Variants in SH3BP4 observed in about 807,000 individuals in gnomAD.
SH3BP4 encodes SH3 domain binding protein 4, also known as SH3 domain-binding protein 4.
SH3BP4 carries 33 observed loss-of-function variants against 65.5 expected under a neutral mutation model. That is an observed-to-expected ratio of 0.50 (90% CI 0.38 to 0.67). SH3BP4 has a LOEUF of 0.67. SH3BP4 is among the 30% of genes least tolerant of loss of function. The pLI is 0.00. For missense variants in SH3BP4, 1,134 were observed against 1,261.4 expected (o/e 0.90, Z 1.53); for synonymous variants, 552 against 545.5 (o/e 1.01, Z -0.17).
chr2:234,988,181 T>G (rs1693629850), intron 1 of SH3BP4, among the ~76,000 whole-genome samples: 1 of 152,156 alleles, frequency 6.6e-6, no homozygotes, highest in Non-Finnish European at 1.5e-5. Context: ...TGCCTCAGCC[T>G]CCCAAGTAGC....
intron 1 of SH3BP4, among the ~76,000 whole-genome samples, chr2:234,954,424 A>C (rs1692543111): frequency 6.6e-6 from 1 of 152,126 alleles, no homozygotes. Flanking sequence ...CGTGGATCTG[A>C]TCAGGGTCTG....
rs556077741 is a variant in SH3BP4 at position 235,055,031 on chromosome 2, C to A, written c.*1215C>A. The A allele has an allele frequency of 6.6e-6, 1 of 152,338 alleles. No homozygotes were observed. Among genetic ancestry groups the A allele is most frequent in the African/African-American group, 2.4e-5 (1 of 41,570 alleles). 9.4% of individuals were successfully genotyped at this position (152,338 alleles called of 1,614,324 possible). A position where few individuals can be genotyped will look rare whatever the true frequency, so the allele number is the denominator to read the frequency against. Reference sequence around the variant, plus strand: ...TTTGTAAAAATGAAAATGTGACTCACATAAAATCAGGAACTTGACACAGTG... The same window carrying A: ...TTTGTAAAAATGAAAATGTGACTCAAATAAAATCAGGAACTTGACACAGTG... On this transcript the variant is annotated 3_prime_UTR_variant, in exon 6 of 6. Transcript: ENST00000392011.
At chr2:234,979,174 C>T (rs923034907) in intron 1 of SH3BP4, among the ~76,000 whole-genome samples, 3 of 152,182 alleles carry the variant, frequency 2.0e-5, no homozygotes, top group African/African-American at 7.2e-5. Context: ...AATGTTTACA[C>T]AATCACAAAA....
At chr2:234,962,338 G>A (rs1361988181) in intron 1 of SH3BP4, among the ~76,000 whole-genome samples, 4 of 151,860 alleles carry the variant, frequency 2.6e-5, no homozygotes, top group Non-Finnish European at 4.4e-5. Flanking sequence ...GGGTTTCACT[G>A]TGTTGGCCAG....
intron 1 of SH3BP4, among the ~76,000 whole-genome samples, chr2:234,963,785 T>C (rs1196911959): frequency 6.6e-6 from 1 of 152,148 alleles, no homozygotes; most frequent in East Asian, 1.9e-4. Context: ...TCGTCATGGG[T>C]GTCCAGAGTG....
chr2:235,007,983 G>T (rs933769496), intron 2 of SH3BP4, among the ~76,000 whole-genome samples: 2 of 152,190 alleles, frequency 1.3e-5, no homozygotes, highest in Non-Finnish European at 2.9e-5. Context: ...CCAGCCGTTG[G>T]GGGTGGAGGA....
At position 234,974,436 on chromosome 2, in the gene SH3BP4, A is replaced by G. The variant is rs981149899; in HGVS notation, c.-206-20867A>G. ...GAGTTCCAGCCCATTTCACTGCTCC[A>G]TAAAATGCTACGTTGGTGAAATGGG... On this transcript the variant is annotated intron_variant, in intron 1 of 5. Coordinates refer to ENST00000392011, the MANE Select transcript of SH3BP4 (RefSeq NM_014521.3). This position sits in a 1 kb window ranked among gnomAD's most constrained non-coding sequence, Gnocchi z 4.6. 5.9e-5 allele frequency among the ~76,000 whole-genome samples: 9 copies of G among 152,208 alleles called. No individual in the cohort carries two copies. The highest frequency in any genetic ancestry group is 2.2e-4 in the African/African-American group (9 of 41,464).
intron 3 of SH3BP4, among the ~76,000 whole-genome samples, chr2:235,036,740 A>AAATAATAATAATAATAAG (rs1695396741): frequency 1.4e-5 from 2 of 141,740 alleles, no homozygotes; most frequent in South Asian, 2.3e-4. Flanking sequence ...TCTATATAAA[A>AAATAATAATAATAATAAG]AATAATAATA....
chr2:234,978,878 TG>T lies in SH3BP4; in HGVS notation c.-206-16423del. 1 of 152,266 alleles carries T rather than the reference TG, an allele frequency of 6.6e-6. No homozygotes were observed. The highest frequency in any genetic ancestry group is 2.1e-4 in the South Asian group (1 of 4,820). 9.4% of individuals were successfully genotyped at this position (152,266 alleles called of 1,614,324 possible). A position where few individuals can be genotyped will look rare whatever the true frequency, so the allele number is the denominator to read the frequency against. ...TGCGTGGAGGAACATGCTGAACCTCTGGAGGAACGGCTCTACCTCCAGGTCA... is the reference window on the plus strand; with the variant it reads ...TGCGTGGAGGAACATGCTGAACCTCTGAGGAACGGCTCTACCTCCAGGTCA... On this transcript the variant is annotated intron_variant, in intron 1 of 5. Transcript: ENST00000392011. This position sits in a 1 kb window ranked among gnomAD's most constrained non-coding sequence, Gnocchi z 4.1.
At chr2:235,038,336 ATAG>A (rs1393691344) in intron 3 of SH3BP4, among the ~76,000 whole-genome samples, 2 of 2,406 alleles carry the variant, frequency 8.3e-4, no homozygotes, top group African/African-American at 2.6e-3. Context: ...TATATTATAT[ATAG>A]TATATATATT....
chr2:234,994,961 G>A (rs1243494376), intron 1 of SH3BP4: 1 of 152,330 alleles, frequency 6.6e-6, no homozygotes, highest in Non-Finnish European at 1.5e-5. Context: ...CAGGAGTAGG[G>A]TGAGGGGCAG....
chr2:235,001,012 T>C (rs555193914), intron 2 of SH3BP4, among the ~76,000 whole-genome samples: 63 of 152,364 alleles, frequency 4.1e-4, no homozygotes, highest in African/African-American at 1.4e-3. Context: ...TGCCCATAAA[T>C]CCCGTTTACA....
At chr2:234,963,090 G>A (rs184011952) in intron 1 of SH3BP4, among the ~76,000 whole-genome samples, 204 of 152,168 alleles carry the variant, frequency 1.3e-3, no homozygotes, top group African/African-American at 4.7e-3. Context: ...TAAAATTGTT[G>A]ACATATTTTC....
At chr2:235,053,471 G>A (rs1023240083) in intron 5 of SH3BP4, 121 bp from the exon 6 acceptor site, 3 of 721,220 alleles carry the variant, frequency 4.2e-6, no homozygotes, top group Non-Finnish European at 7.1e-6. Flanking sequence ...TCTCACTCGT[G>A]AAAGAGTGTC....
rs777513309 is a variant in SH3BP4, at chr2:235,042,278, G to A, written c.1509G>A (p.Thr503=). 23 of 1,613,980 alleles carry A rather than the reference G, an allele frequency of 1.4e-5. No homozygotes were observed. The highest frequency in any genetic ancestry group is 1.1e-4 in the East Asian group (5 of 44,870). Residue 503 remains threonine, a synonymous_variant, in exon 4 of 6, where the codon ACG becomes ACA. Transcript: ENST00000392011. The surrounding 1 kb of genome is among the most constrained non-coding windows in gnomAD (Gnocchi z 7.3). The part of the protein sequence containing the change: ...TIFGHDCAPK[T]LLVSEVTRQA... ...TTGGGCATGACTGTGCCCCAAAGAC[G>A]CTCCTGGTCAGCGAGGTCACACGCC...
At chr2:234,973,537 A>C (rs186347949) in intron 1 of SH3BP4, among the ~76,000 whole-genome samples, 1 of 152,292 alleles carries the variant, frequency 6.6e-6, no homozygotes, top group African/African-American at 2.4e-5. Context: ...GTCCCAAAGC[A>C]ATTTGACTTT....
In SH3BP4 at chr2:234,995,367, G is replaced by A. The variant is rs917573272; in HGVS notation, c.-142G>A. 6.6e-6 allele frequency: 1 copy of A among 152,304 alleles called. No individual in the cohort carries two copies. The highest frequency in any genetic ancestry group is 2.4e-5 in the African/African-American group (1 of 41,466). 9.4% of individuals were successfully genotyped at this position (152,304 alleles called of 1,614,324 possible). ...ACTTCTCTGATGGCGAGAGGCTGCG[G>A]CTGTACCAGGTAGGCAGTGCAGGCA... On this transcript the variant is annotated 5_prime_UTR_variant, in exon 2 of 6. Coordinates refer to ENST00000392011, the MANE Select transcript of SH3BP4 (RefSeq NM_014521.3).
At chr2:234,990,197 G>A in intron 1 of SH3BP4, among the ~76,000 whole-genome samples, 1 of 152,162 alleles carries the variant, frequency 6.6e-6, no homozygotes, top group Non-Finnish European at 1.5e-5. Flanking sequence ...TTGGATAAAT[G>A]GTACTCAGCG....
At chr2:235,048,238 C>T (rs1446281217) in intron 4 of SH3BP4, among the ~76,000 whole-genome samples, 3 of 152,074 alleles carry the variant, frequency 2.0e-5, no homozygotes, top group Middle Eastern at 3.2e-3. Context: ...GGCTTCCCCT[C>T]GAGTTTTGGG....
Sources: gnomAD v4.1 joint callset for allele counts (sites outside exome capture counted in the v4.1 genomes callset) on GRCh38, gnomAD v4.1.1 for gene constraint, Gnocchi (gnomAD v3.1) non-coding constraint, MANE v1.5 for transcripts, NCBI Gene and HGNC (gene_info 2026-07-23, HGNC 2026-07-21) for gene names.